Variants in RBFOX1 observed in about 807,000 individuals in gnomAD.
RBFOX1 encodes RNA binding protein fox-1 homolog 1.
Under a neutral mutation model 57.7 loss-of-function variants are expected in RBFOX1, and 8 were observed. That is an observed-to-expected ratio of 0.14 (90% confidence interval 0.08 to 0.25). The LOEUF (loss-of-function observed/expected upper bound fraction) is 0.25, where lower values mean the gene tolerates loss of function less well. Ranked by LOEUF, RBFOX1 falls within the 10% of genes least tolerant of loss-of-function variation. The probability of loss-of-function intolerance (pLI) is 1.00; values close to 1 mark genes in which losing one functional copy is unlikely to be tolerated. For missense variants in RBFOX1, 611 were observed against 548.5 expected (o/e 1.11, Z -1.14); for synonymous variants, 326 against 222.4 (o/e 1.47, Z -4.15).
intron 4 of RBFOX1, among the ~76,000 whole-genome samples, chr16:5,961,622 C>A (rs544086061): frequency 6.6e-6 from 1 of 152,286 alleles, no homozygotes; most frequent in South Asian, 2.1e-4. Flanking sequence ...CCAGTTCAAA[C>A]AATCCTCCCA....
At chr16:6,347,567 C>G (rs2085587187) in intron 2 of RBFOX1, among the ~76,000 whole-genome samples, 1 of 152,182 alleles carries the variant, frequency 6.6e-6, no homozygotes. Flanking sequence ...GGCTTTGCAT[C>G]TTGCATATGC....
At chr16:7,355,672 A>G (rs1047246371) in intron 4 of RBFOX1, among the ~76,000 whole-genome samples, 3 of 152,216 alleles carry the variant, frequency 2.0e-5, no homozygotes, top group Non-Finnish European at 2.9e-5. Context: ...ACACAATTCT[A>G]TAAACAGTAA....
In RBFOX1 at chr16:6,105,292, C is replaced by T. The variant is rs562294465; in HGVS notation, c.-127+85300C>T. ...CTGATCATTTGTTTTAAACGTAATC[C>T]ATTTGTAACGCATGATTCATCTATT... On this transcript the variant is annotated intron_variant, in intron 1 of 15. Transcript: ENST00000550418. Among the ~76,000 whole-genome samples, 5 of 152,234 alleles carry T rather than the reference C, an allele frequency of 3.3e-5. No homozygotes were observed. The East Asian group carries it at 7.7e-4, about 24-fold the overall frequency.
intron 3 of RBFOX1, among the ~76,000 whole-genome samples, chr16:7,008,030 C>G (rs946512877): frequency 2.0e-5 from 3 of 152,248 alleles, no homozygotes; most frequent in Non-Finnish European, 2.9e-5. Context: ...TCTCACCCAA[C>G]TTAGCATTAT....
chr16:6,553,753 G>A (rs2097037885), intron 2 of RBFOX1, among the ~76,000 whole-genome samples: 1 of 152,212 alleles, frequency 6.6e-6, no homozygotes, highest in Non-Finnish European at 1.5e-5. Context: ...GGTGATAGGA[G>A]AGGTGGCAGG....
chr16:5,670,287 A>C (rs2049978938), intron 3 of RBFOX1, among the ~76,000 whole-genome samples: 1 of 152,192 alleles, frequency 6.6e-6, no homozygotes, highest in Admixed American at 6.5e-5. Flanking sequence ...TGAGTGTATT[A>C]AATGTTTCTC....
At chr16:7,118,486 A>G (rs574317355) in intron 4 of RBFOX1, among the ~76,000 whole-genome samples, 1 of 152,244 alleles carries the variant, frequency 6.6e-6, no homozygotes, top group East Asian at 1.9e-4. Flanking sequence ...AAGGTATGCA[A>G]TTCAGTTGAC....
chr16:7,417,186 A>G (rs963317275), intron 4 of RBFOX1, among the ~76,000 whole-genome samples: 2 of 152,010 alleles, frequency 1.3e-5, no homozygotes, highest in African/African-American at 4.8e-5. Flanking sequence ...CCTGGCCAAC[A>G]TGGTGAAACC....
intron 3 of RBFOX1, among the ~76,000 whole-genome samples, chr16:6,963,069 G>A (rs1197688647): frequency 6.6e-6 from 1 of 152,122 alleles, no homozygotes; most frequent in Non-Finnish European, 1.5e-5. Flanking sequence ...CAAGTCAAAT[G>A]CTCCAGGCCC....
At chr16:6,942,318 C>G (rs903800879) in intron 3 of RBFOX1, among the ~76,000 whole-genome samples, 1 of 152,132 alleles carries the variant, frequency 6.6e-6, no homozygotes, top group Non-Finnish European at 1.5e-5. Context: ...CTGGCACACA[C>G]CACCACGCTC....
intron 3 of RBFOX1, among the ~76,000 whole-genome samples, chr16:5,756,569 A>G (rs1421636470): frequency 1.3e-5 from 2 of 152,134 alleles, no homozygotes; most frequent in Non-Finnish European, 2.9e-5. Context: ...ATGAATAAAG[A>G]CCCATTCCTT....
At chr16:5,397,476 T>A (rs1016758880) in intron 1 of RBFOX1, among the ~76,000 whole-genome samples, 1 of 152,236 alleles carries the variant, frequency 6.6e-6, no homozygotes, top group Non-Finnish European at 1.5e-5. Flanking sequence ...TTGCCAAGTC[T>A]ATGGACGGCG....
chr16:6,487,144 C>CTT (rs1555498826), intron 2 of RBFOX1, among the ~76,000 whole-genome samples: 2 of 140,116 alleles, frequency 1.4e-5, no homozygotes, highest in Non-Finnish European at 3.1e-5. Flanking sequence ...TGTGGGGTTT[C>CTT]TGTGTGTGTG....
intron 3 of RBFOX1, among the ~76,000 whole-genome samples, chr16:5,618,584 GC>G: frequency 6.6e-6 from 1 of 152,324 alleles, no homozygotes; most frequent in South Asian, 2.1e-4. Flanking sequence ...TGATCTGCCT[GC>G]CTCGGCCTCC....
At chr16:7,005,836 C>T (rs745850882) in intron 3 of RBFOX1, among the ~76,000 whole-genome samples, 1 of 152,180 alleles carries the variant, frequency 6.6e-6, no homozygotes, top group South Asian at 2.1e-4. Flanking sequence ...TGCTTCTTCA[C>T]CGACTACAGC....
At chr16:7,147,581 G>T (rs2075282903) in intron 4 of RBFOX1, among the ~76,000 whole-genome samples, 1 of 152,100 alleles carries the variant, frequency 6.6e-6, no homozygotes, top group Non-Finnish European at 1.5e-5. Flanking sequence ...TTGGTTTTCT[G>T]TTCCTGCATT....
intron 4 of RBFOX1, among the ~76,000 whole-genome samples, chr16:7,146,973 GACT>G (rs2075106209): frequency 7.2e-5 from 1 of 13,834 alleles, no homozygotes; most frequent in Non-Finnish European, 1.4e-4. Flanking sequence ...AAAGAACAAC[GACT>G]TTTTTTTTTT....
At chr16:7,381,490 C>T (rs979247023) in intron 4 of RBFOX1, among the ~76,000 whole-genome samples, 19 of 148,120 alleles carry the variant, frequency 1.3e-4, no homozygotes, top group African/African-American at 4.8e-4. Context: ...TGGGTTCATA[C>T]ATCGTTCCCC....
intron 2 of RBFOX1, among the ~76,000 whole-genome samples, chr16:6,404,397 C>T (rs982551147): frequency 6.6e-6 from 1 of 152,048 alleles, no homozygotes; most frequent in Non-Finnish European, 1.5e-5. Context: ...ACTGAGGGAC[C>T]ACTGTAGTAT....
Sources: allele counts gnomAD v4.1 joint callset (sites outside exome capture counted in the v4.1 genomes callset), GRCh38; gene constraint gnomAD v4.1.1; transcripts MANE v1.5; gene names NCBI Gene and HGNC (gene_info 2026-07-23, HGNC 2026-07-21).